LRRC38: variants seen among roughly 807,000 people sequenced by gnomAD.
The protein encoded by LRRC38 is leucine rich repeat containing 38, also known as leucine-rich repeat-containing protein 38.
Under a neutral mutation model 16.4 loss-of-function variants are expected in LRRC38, and 5 were observed. That is an observed-to-expected ratio of 0.31 (90% CI 0.16 to 0.64). The LOEUF is 0.64. LRRC38 is among the 30% of genes least tolerant of loss of function. LRRC38 has a pLI of 0.80. For synonymous variants in LRRC38, 191 were observed against 190.2 expected (o/e 1.00, Z -0.04); for missense variants, 341 against 401.8 (o/e 0.85, Z 1.29).
chr1:13,506,439 A>G (rs554689066), intron 1 of LRRC38, among the ~76,000 whole-genome samples: 1 of 152,108 alleles, frequency 6.6e-6, no homozygotes, highest in African/African-American at 2.4e-5. Context: ...GGAGGTCCTG[A>G]TGCATTTCTT....
At position 13,476,518 on chromosome 1, in the gene LRRC38, A is replaced by G. The variant is rs111839765; in HGVS notation, c.632-419T>C. Among the ~76,000 whole-genome samples the G allele has an allele frequency of 7.7e-3, 1,166 of 152,222 alleles. 26 individuals are homozygous for G. Among genetic ancestry groups the G allele is most frequent in the African/African-American group, 0.026 (1,091 of 41,558 alleles). ...TAATTTTAGTATTTTTAGTAGAGAC[A>G]GGGTTTCACCATGTTGGCCAGGCTG... On this transcript the variant is annotated intron_variant, in intron 1 of 1. Transcript: ENST00000376085.
At chr1:13,509,032 C>T (rs1317811913) in intron 1 of LRRC38, among the ~76,000 whole-genome samples, 1 of 152,116 alleles carries the variant, frequency 6.6e-6, no homozygotes, top group African/African-American at 2.4e-5. Flanking sequence ...GTACCCAAGC[C>T]CCCGAATGCT....
chr1:13,504,654 C>T (rs887262525), intron 1 of LRRC38, among the ~76,000 whole-genome samples: 1 of 148,202 alleles, frequency 6.7e-6, no homozygotes, highest in Non-Finnish European at 1.5e-5. Flanking sequence ...ACCCGAGAGG[C>T]AGAGGTTACA....
intron 1 of LRRC38, among the ~76,000 whole-genome samples, chr1:13,503,929 G>C (rs1639179288): frequency 1.3e-5 from 2 of 152,188 alleles, no homozygotes; most frequent in South Asian, 4.1e-4. Context: ...TGGGACACCA[G>C]AGGACTCTTA....
intron 1 of LRRC38, among the ~76,000 whole-genome samples, chr1:13,478,390 T>G (rs1280334513): frequency 6.6e-6 from 1 of 152,240 alleles, no homozygotes; most frequent in Non-Finnish European, 1.5e-5. Flanking sequence ...ATAGCTTGCC[T>G]TTGGCAATGC....
chr1:13,513,423 G>C lies in LRRC38; in HGVS notation c.171C>G (p.Asp57Glu), dbSNP rs528326776. ...LPSVPDPFPL[D>E]VRKLLVAGNR... ...TGCCGGCCACCAGCAGCTTGCGCAC[G>C]TCCAGGGGGAAAGGGTCTGGCACGC... Residue 57 changes from aspartate (D) to glutamate (E), a missense_variant, in exon 1 of 2, where the codon GAC becomes GAG. Coordinates refer to ENST00000376085, the MANE Select transcript of LRRC38 (RefSeq NM_001010847.2). 1 of 1,550,358 alleles carries C rather than the reference G, an allele frequency of 6.5e-7. No homozygotes were observed.
At chr1:13,511,106 T>C (rs991744431) in intron 1 of LRRC38, among the ~76,000 whole-genome samples, 1 of 152,134 alleles carries the variant, frequency 6.6e-6, no homozygotes, top group Non-Finnish European at 1.5e-5. Flanking sequence ...GCTCTGAACC[T>C]GTCCATCCTT....
At chr1:13,499,992 T>A (rs1280877221) in intron 1 of LRRC38, among the ~76,000 whole-genome samples, 1 of 152,078 alleles carries the variant, frequency 6.6e-6, no homozygotes, top group Non-Finnish European at 1.5e-5. Flanking sequence ...CTCTCATGCC[T>A]GTAATCCCAG....
At chr1:13,507,272 C>G (rs1463762816) in intron 1 of LRRC38, among the ~76,000 whole-genome samples, 1 of 152,134 alleles carries the variant, frequency 6.6e-6, no homozygotes, top group African/African-American at 2.4e-5. Flanking sequence ...AGGTGACACC[C>G]CAGTGACTCA....
rs189205785 is a variant in LRRC38, at chr1:13,488,358, G to A, written c.632-12259C>T. 1.5e-4 allele frequency among the ~76,000 whole-genome samples: 22 copies of A among 148,122 alleles called. 1 individual carries two copies. Among genetic ancestry groups the A allele is most frequent in the Admixed American group, 8.2e-4 (12 of 14,610 alleles). Reference sequence around the variant, plus strand: ...GGGATCTCGGCTCACTGCAACCTCCGCCTCCTGGGTTCAAGCAATTCTCCC... The same window carrying A: ...GGGATCTCGGCTCACTGCAACCTCCACCTCCTGGGTTCAAGCAATTCTCCC... On this transcript the variant is annotated intron_variant, in intron 1 of 1. Coordinates refer to ENST00000376085, the MANE Select transcript of LRRC38 (RefSeq NM_001010847.2).
At chr1:13,505,388 G>T (rs1187182282) in intron 1 of LRRC38, among the ~76,000 whole-genome samples, 1 of 152,220 alleles carries the variant, frequency 6.6e-6, no homozygotes, top group African/African-American at 2.4e-5. Flanking sequence ...TCTGGGCCCT[G>T]CCTTGGCTGA....
chr1:13,492,527 C>T (rs547351242), intron 1 of LRRC38, among the ~76,000 whole-genome samples: 3 of 152,152 alleles, frequency 2.0e-5, no homozygotes, highest in Non-Finnish European at 2.9e-5. Context: ...ATGGCACAAC[C>T]CCCATGTCTA....
chr1:13,483,971 G>A (rs1638901527), intron 1 of LRRC38, among the ~76,000 whole-genome samples: 1 of 151,798 alleles, frequency 6.6e-6, no homozygotes, highest in Non-Finnish European at 1.5e-5. Context: ...AGGAGAGGGA[G>A]CGAGTACGCA....
At chr1:13,508,817 C>T (rs1639241413) in intron 1 of LRRC38, among the ~76,000 whole-genome samples, 1 of 152,190 alleles carries the variant, frequency 6.6e-6, no homozygotes, top group Non-Finnish European at 1.5e-5. Context: ...GTCAGTATAA[C>T]AAGAACTCCT....
chr1:13,500,849 G>A (rs1292560489), intron 1 of LRRC38, among the ~76,000 whole-genome samples: 1 of 152,154 alleles, frequency 6.6e-6, no homozygotes, highest in Non-Finnish European at 1.5e-5. Context: ...TAAATGATAC[G>A]ACGTTCTGGA....
At chr1:13,504,738 G>A (rs1444502598) in intron 1 of LRRC38, among the ~76,000 whole-genome samples, 1 of 99,148 alleles carries the variant, frequency 1.0e-5, no homozygotes, top group African/African-American at 4.3e-5. Flanking sequence ...GGAGGGGAGG[G>A]GAAGGGAGGG....
chr1:13,513,297 C>A lies in LRRC38; in HGVS notation c.297G>T (p.Thr99=). The A allele has an allele frequency of 6.4e-7, 1 of 1,550,836 alleles. No homozygotes were observed. The highest frequency in any genetic ancestry group is 8.7e-7 in the Non-Finnish European group (1 of 1,147,026). The change falls in exon 1 of 2, where the codon ACG becomes ACT. Residue 99 remains threonine (T), a synonymous_variant. Coordinates refer to ENST00000376085, the MANE Select transcript of LRRC38 (RefSeq NM_001010847.2). ...NNSLRSLEEG[T]FSGSAKLVFL... ...ACACGAGCTTGGCCGAGCCGCTGAA[C>A]GTGCCCTCCTCCAGCGAGCGCAGCG...
intron 1 of LRRC38, among the ~76,000 whole-genome samples, chr1:13,509,090 C>G (rs544477327): frequency 1.3e-5 from 2 of 152,274 alleles, no homozygotes; most frequent in African/African-American, 4.8e-5. Flanking sequence ...GAAGCTGTCT[C>G]CACCCAGGAG....
chr1:13,511,483 T>C (rs567441947), intron 1 of LRRC38, among the ~76,000 whole-genome samples: 28 of 152,132 alleles, frequency 1.8e-4, no homozygotes, highest in African/African-American at 7.2e-5. Context: ...ACAGTCACCA[T>C]GGCAGAACTG....
Sources: gnomAD v4.1 joint callset for allele counts (sites outside exome capture counted in the v4.1 genomes callset) on GRCh38, gnomAD v4.1.1 for gene constraint, MANE v1.5 for transcripts, NCBI Gene and HGNC (gene_info 2026-07-23, HGNC 2026-07-21) for gene names.